Variants in TMEM135 observed in about 807,000 individuals in gnomAD.
TMEM135 encodes the protein peroxisomal membrane protein 52.
In TMEM135, 30 loss-of-function variants were observed where a neutral mutation model predicts 60.3. That is an observed-to-expected ratio of 0.50 (90% CI 0.37 to 0.68). TMEM135 has a LOEUF of 0.68. TMEM135 is among the 30% of genes least tolerant of loss of function. The probability of loss-of-function intolerance (pLI) is 0.00; values close to 1 mark genes in which losing one functional copy is unlikely to be tolerated. For synonymous variants in TMEM135, 190 were observed against 186.7 expected (o/e 1.02, Z -0.14); for missense variants, 468 against 548.8 (o/e 0.85, Z 1.47).
intron 4 of TMEM135, among the ~76,000 whole-genome samples, chr11:87,127,044 G>C (rs796102805): frequency 2.6e-5 from 4 of 152,206 alleles, no homozygotes; most frequent in African/African-American, 9.6e-5. Context: ...CCCTAGCCTG[G>C]TAAAAAACAA....
chr11:87,238,913 A>G (rs1941067315), intron 6 of TMEM135, among the ~76,000 whole-genome samples: 1 of 152,144 alleles, frequency 6.6e-6, no homozygotes, highest in Non-Finnish European at 1.5e-5. Context: ...AATCTTTCCC[A>G]TTGTGGCACT....
chr11:87,269,061 G>T (rs1051693989), intron 6 of TMEM135, among the ~76,000 whole-genome samples: 1 of 146,894 alleles, frequency 6.8e-6, no homozygotes, highest in Non-Finnish European at 1.5e-5. Flanking sequence ...TTTAAAAATG[G>T]CTAGTTTTTT....
chr11:87,258,891 TCCTGAGAGC>T (rs1218957658), intron 6 of TMEM135: 40 of 1,071,294 alleles, frequency 3.7e-5, no homozygotes, highest in Non-Finnish European at 5.5e-5. Flanking sequence ...CTTGCATTCT[TCCTGAGAGC>T]CCTGTGTTAG....
chr11:87,066,080 A>G (rs903650124), intron 1 of TMEM135, among the ~76,000 whole-genome samples: 14 of 152,342 alleles, frequency 9.2e-5, no homozygotes, highest in Admixed American at 5.9e-4. Context: ...TAACAGAAGA[A>G]TTGAGAAGAT....
At chr11:87,157,192 T>A in intron 4 of TMEM135, 149 bp from the exon 5 acceptor site, 1 of 669,810 alleles carries the variant, frequency 1.5e-6, no homozygotes, top group East Asian at 2.9e-5. Flanking sequence ...TAGCTAGGAC[T>A]ATAGGCATAT....
chr11:87,114,094 T>C (rs973970425), intron 4 of TMEM135, among the ~76,000 whole-genome samples: 5 of 152,094 alleles, frequency 3.3e-5, no homozygotes, highest in African/African-American at 4.8e-5. Context: ...AGGCAAAATA[T>C]AGACATTTTC....
At chr11:87,177,541 T>A (rs771555014) in intron 5 of TMEM135, among the ~76,000 whole-genome samples, 19 of 152,224 alleles carry the variant, frequency 1.2e-4, no homozygotes, top group Non-Finnish European at 2.4e-4. Flanking sequence ...CAGTAATTTT[T>A]AAATATATTT....
intron 6 of TMEM135, among the ~76,000 whole-genome samples, chr11:87,280,202 G>A (rs961979936): frequency 6.6e-6 from 1 of 152,104 alleles, no homozygotes; most frequent in African/African-American, 2.4e-5. Context: ...CAGCGTGTAG[G>A]CTGTCATTTA....
intron 4 of TMEM135, among the ~76,000 whole-genome samples, chr11:87,107,820 C>T (rs1857637575): frequency 6.6e-6 from 1 of 152,128 alleles, no homozygotes; most frequent in Admixed American, 6.5e-5. Context: ...AGTTCTAGAT[C>T]CTTGAGGAAT....
chr11:87,188,843 GT>G (rs1474627696), intron 5 of TMEM135, among the ~76,000 whole-genome samples: 3 of 152,200 alleles, frequency 2.0e-5, no homozygotes, highest in African/African-American at 7.2e-5. Flanking sequence ...ATTAACCACT[GT>G]TAATGGTTTG....
At chr11:87,177,474 A>G (rs1161926643) in intron 5 of TMEM135, among the ~76,000 whole-genome samples, 2 of 152,178 alleles carry the variant, frequency 1.3e-5, no homozygotes, top group African/African-American at 4.8e-5. Context: ...AGATTTTAAA[A>G]ACCAGTTTTA....
intron 4 of TMEM135, among the ~76,000 whole-genome samples, chr11:87,107,132 C>A (rs1300840957): frequency 6.6e-6 from 1 of 152,096 alleles, no homozygotes; most frequent in East Asian, 1.9e-4. Context: ...TCATTGGGGA[C>A]AAATATACAG....
At chr11:87,297,137 G>A (rs190246188) in intron 7 of TMEM135, among the ~76,000 whole-genome samples, 3 of 152,304 alleles carry the variant, frequency 2.0e-5, no homozygotes, top group African/African-American at 7.2e-5. Flanking sequence ...TTGGGTGATA[G>A]TGGGAGGATT....
chr11:87,271,290 A>G (rs1217285971), intron 6 of TMEM135, among the ~76,000 whole-genome samples: 1 of 152,234 alleles, frequency 6.6e-6, no homozygotes, highest in Admixed American at 6.5e-5. Flanking sequence ...ACATTAATGT[A>G]CTATGAATTT....
intron 4 of TMEM135, among the ~76,000 whole-genome samples, chr11:87,123,305 T>C (rs367750853): frequency 6.6e-6 from 1 of 152,176 alleles, no homozygotes; most frequent in South Asian, 2.1e-4. Flanking sequence ...TTTCCTTGCC[T>C]CTTTGAGCTT....
At chr11:87,102,380 A>C (rs2135185557) in intron 4 of TMEM135, among the ~76,000 whole-genome samples, 1 of 152,310 alleles carries the variant, frequency 6.6e-6, no homozygotes, top group South Asian at 2.1e-4. Flanking sequence ...GAACAGCCAG[A>C]TGGACGAGAT....
intron 6 of TMEM135, among the ~76,000 whole-genome samples, chr11:87,280,162 T>C (rs1340763756): frequency 6.6e-6 from 1 of 152,266 alleles, no homozygotes; most frequent in Non-Finnish European, 1.5e-5. Flanking sequence ...TATGTTTAGA[T>C]GGCATTAATA....
chr11:87,092,653 T>A (rs138161989), intron 4 of TMEM135, among the ~76,000 whole-genome samples: 410 of 152,320 alleles, frequency 2.7e-3, no homozygotes, highest in Non-Finnish European at 3.7e-3. Flanking sequence ...TACTAGGATG[T>A]AAGCTTTTGA....
At chr11:87,249,753 T>C (rs1347871803) in intron 6 of TMEM135, among the ~76,000 whole-genome samples, 1 of 152,200 alleles carries the variant, frequency 6.6e-6, no homozygotes, top group Non-Finnish European at 1.5e-5. Flanking sequence ...TCAGTGTTCA[T>C]CAGATATATT....
Sources: allele counts gnomAD v4.1 joint callset (sites outside exome capture counted in the v4.1 genomes callset), GRCh38; gene constraint gnomAD v4.1.1; transcripts MANE v1.5; gene names NCBI Gene and HGNC (gene_info 2026-07-23, HGNC 2026-07-21).